Variants in NPLOC4 observed in about 807,000 individuals in gnomAD.
The protein encoded by NPLOC4 is NPL4 homolog, ubiquitin recognition factor.
NPLOC4 carries 18 observed loss-of-function variants against 80.6 expected under a neutral mutation model. That is an observed-to-expected ratio of 0.22 (90% confidence interval 0.15 to 0.33). The LOEUF (loss-of-function observed/expected upper bound fraction) is 0.33. Ranked by LOEUF, NPLOC4 falls within the 10% of genes least tolerant of loss-of-function variation. The probability of loss-of-function intolerance (pLI) is 1.00; values close to 1 mark genes in which losing one functional copy is unlikely to be tolerated. For missense variants in NPLOC4, 540 were observed against 786.1 expected (o/e 0.69, Z 3.74); for synonymous variants, 313 against 301.5 (o/e 1.04, Z -0.39).
chr17:81,616,683 T>C (rs1225609294), intron 3 of NPLOC4, among the ~76,000 whole-genome samples: 2 of 150,452 alleles, frequency 1.3e-5, no homozygotes, highest in Admixed American at 1.3e-4. Flanking sequence ...TGAGCCAAGA[T>C]GGTGCCACTG....
Position 81,571,281 on chromosome 17 carries a change from C to G in NPLOC4, c.1353+736G>C, listed in dbSNP as rs9903803. 5.5e-3 allele frequency among the ~76,000 whole-genome samples: 840 copies of G among 152,354 alleles called. 14 individuals carry two copies. The highest frequency in any genetic ancestry group is 0.019 in the African/African-American group (810 of 41,578). On this transcript the variant is annotated intron_variant, in intron 13 of 16. Coordinates refer to ENST00000331134, the MANE Select transcript of NPLOC4 (RefSeq NM_017921.4). ...TAGGAAATGAGCCGCCTCCCGTCCG[C>G]TTTGGACAGAGCTCCGGTGGGGCTG...
intron 11 of NPLOC4, among the ~76,000 whole-genome samples, chr17:81,589,649 AG>A (rs1436733687): frequency 6.6e-6 from 1 of 152,090 alleles, no homozygotes; most frequent in Non-Finnish European, 1.5e-5. Context: ...CTCCACAAAC[AG>A]GTGCCACTAA....
chr17:81,612,155 G>A (rs62074679), intron 4 of NPLOC4, among the ~76,000 whole-genome samples: 13,337 of 152,084 alleles, frequency 0.088, 638 homozygotes, highest in Middle Eastern at 0.17. Context: ...GAAGCCTTGG[G>A]AGCACAACAC....
intron 3 of NPLOC4, among the ~76,000 whole-genome samples, chr17:81,617,216 C>T (rs1488964123): frequency 2.0e-5 from 3 of 151,996 alleles, no homozygotes. Flanking sequence ...GCCACATGGC[C>T]CCTGTGAGTA....
intron 12 of NPLOC4, among the ~76,000 whole-genome samples, chr17:81,583,905 C>A (rs1201554035): frequency 2.6e-5 from 4 of 152,216 alleles, no homozygotes; most frequent in East Asian, 1.9e-4. Flanking sequence ...TGGTATTATA[C>A]TCTAGGTATA....
chr17:81,568,845 T>C (rs919253196), intron 14 of NPLOC4, among the ~76,000 whole-genome samples, 171 bp downstream of exon 14: 1 of 152,216 alleles, frequency 6.6e-6, no homozygotes, highest in African/African-American at 2.4e-5. Flanking sequence ...CACCTAGCCA[T>C]GGGAAGGGCG....
At chr17:81,631,802 AT>A (rs964303653) in intron 1 of NPLOC4, among the ~76,000 whole-genome samples, 84 of 148,420 alleles carry the variant, frequency 5.7e-4, no homozygotes, top group African/African-American at 8.9e-4. Flanking sequence ...TATTTAGCTC[AT>A]TTTTTTTTTC....
intron 12 of NPLOC4, among the ~76,000 whole-genome samples, chr17:81,584,371 C>T (rs1008510887): frequency 6.6e-6 from 1 of 152,274 alleles, no homozygotes; most frequent in Admixed American, 6.5e-5. Flanking sequence ...TATTTCATGA[C>T]AAAAGGGAGC....
At chr17:81,597,955 C>G (rs984739982) in intron 9 of NPLOC4, among the ~76,000 whole-genome samples, 1 of 134,370 alleles carries the variant, frequency 7.4e-6, no homozygotes, top group African/African-American at 2.8e-5. Flanking sequence ...ATTAGCCGGG[C>G]GTGGTGGCGG....
chr17:81,629,258 C>T (rs1278779008), intron 2 of NPLOC4, among the ~76,000 whole-genome samples: 2 of 149,436 alleles, frequency 1.3e-5, no homozygotes, highest in African/African-American at 5.0e-5. Context: ...AGTGGCACCA[C>T]CTCGACTCAC....
At chr17:81,597,679 A>G (rs2034950990) in intron 9 of NPLOC4, among the ~76,000 whole-genome samples, 1 of 151,496 alleles carries the variant, frequency 6.6e-6, no homozygotes, top group African/African-American at 2.4e-5. Flanking sequence ...GCTACTCAGG[A>G]GGCTGAGGCA....
chr17:81,635,015 G>A (rs2036028401), intron 1 of NPLOC4, among the ~76,000 whole-genome samples: 1 of 152,042 alleles, frequency 6.6e-6, no homozygotes, highest in Non-Finnish European at 1.5e-5. Context: ...ACATAGTAGA[G>A]ACCTCATCTC....
intron 12 of NPLOC4, among the ~76,000 whole-genome samples, chr17:81,582,327 G>A (rs953734175): frequency 2.6e-5 from 4 of 152,234 alleles, no homozygotes; most frequent in African/African-American, 9.6e-5. Flanking sequence ...TGCCCGATGA[G>A]GGGCATGGAC....
chr17:81,559,068 G>T lies in NPLOC4; in HGVS notation c.*191C>A. 1 of 612,904 alleles carries T rather than the reference G, an allele frequency of 1.6e-6. No individual in the cohort carries two copies. 38.0% of individuals were successfully genotyped at this position (612,904 alleles called of 1,614,324 possible). ...ACTGCATTCAGCCTGCAGAATACCA[G>T]CCGTGGCGCCCGCTCTCCAGGGAGG... On this transcript the variant is annotated 3_prime_UTR_variant, in exon 17 of 17. Transcript: ENST00000331134.
Position 81,610,675 on chromosome 17 carries a change from G to A in NPLOC4, c.387-417C>T, listed in dbSNP as rs1325817679. Among the ~76,000 whole-genome samples, 10 of 94,158 alleles carry A rather than the reference G, an allele frequency of 1.1e-4. 1 individual carries two copies. Among genetic ancestry groups the A allele is most frequent in the East Asian group, 4.7e-4 (2 of 4,284 alleles). The allele number at this position is 94,158 out of a possible 152,430, so 61.8% of individuals were successfully genotyped here. A position where few individuals can be genotyped will look rare whatever the true frequency, so the allele number is the denominator to read the frequency against. ...TGCTTAAAATGACACAAACCAGGCC[G>A]GGCGCGGTGGCTCACGCCTGTAATC... is the stretch of plus-strand genomic sequence containing the variant. On this transcript the variant is annotated intron_variant, in intron 4 of 16. Coordinates refer to ENST00000331134, the MANE Select transcript of NPLOC4 (RefSeq NM_017921.4).
chr17:81,580,893 G>A lies in NPLOC4; in HGVS notation c.1281+8051C>T, dbSNP rs2034421565. 6.6e-6 allele frequency among the ~76,000 whole-genome samples: 1 copy of A among 152,210 alleles called. No individual in the cohort carries two copies. ...CACAACAGCTCTCGCTCCCCGCTCA[G>A]CTCTGAAGGGCCCAGGGCCAGCCTC... is the stretch of plus-strand genomic sequence containing the variant. On this transcript the variant is annotated intron_variant, in intron 12 of 16. Coordinates refer to ENST00000331134, the MANE Select transcript of NPLOC4 (RefSeq NM_017921.4). The surrounding 1 kb of genome is among the most constrained non-coding windows in gnomAD (Gnocchi z 4.4).
chr17:81,569,167 C>A, intron 13 of NPLOC4, 56 bp from the exon 14 acceptor site: 1 of 1,192,738 alleles, frequency 8.4e-7, no homozygotes, highest in South Asian at 1.2e-5. Context: ...GTGTGGCCGA[C>A]TCCCAGCCAG....
intron 1 of NPLOC4, among the ~76,000 whole-genome samples, chr17:81,631,436 A>ATATATATAT (rs1330720098): frequency 3.4e-5 from 4 of 117,068 alleles, no homozygotes; most frequent in Non-Finnish European, 3.6e-5. Context: ...ATATATATAT[A>ATATATATAT]TTTTTTTTTT....
intron 7 of NPLOC4, 24 bp from the exon 8 acceptor site, chr17:81,604,751 T>A (rs1467531761): frequency 6.3e-7 from 1 of 1,581,494 alleles, no homozygotes; most frequent in Admixed American, 1.9e-5. Flanking sequence ...AAGAGTGGGC[T>A]GATGAAAACA....
Sources: gnomAD v4.1 joint callset for allele counts (sites outside exome capture counted in the v4.1 genomes callset) on GRCh38, gnomAD v4.1.1 for gene constraint, Gnocchi (gnomAD v3.1) non-coding constraint, MANE v1.5 for transcripts, NCBI Gene and HGNC (gene_info 2026-07-23, HGNC 2026-07-21) for gene names.